Variants in NRK observed in about 807,000 individuals in gnomAD.
NRK encodes the protein Nik related kinase.
NRK carries 67 observed loss-of-function variants against 125.2 expected under a neutral mutation model. The observed-to-expected ratio is 0.54, with a 90% CI of 0.44 to 0.66. NRK has a LOEUF of 0.66. Ranked by LOEUF, NRK falls within the 30% of genes least tolerant of loss-of-function variation. The pLI is 0.00. For synonymous variants in NRK, 458 were observed against 429.0 expected (o/e 1.07, Z -0.84); for missense variants, 1,224 against 1,192.9 (o/e 1.03, Z -0.38).
At chrX:105,864,513 G>A (rs1377702765) in intron 2 of NRK, among the ~76,000 whole-genome samples, 2 of 111,627 alleles carry the variant, frequency 1.8e-5, no homozygotes, top group Non-Finnish European at 3.8e-5. Context: ...GTTTTAACTG[G>A]TAGCAAAGAT....
In NRK at chrX:105,822,859, G is replaced by C; in HGVS notation, c.14G>C (p.Gly5Ala). 1 of 1,172,293 alleles carries C rather than the reference G, an allele frequency of 8.5e-7. No individual in the cohort carries two copies. Among genetic ancestry groups the C allele is most frequent in the South Asian group, 1.9e-5 (1 of 53,023 alleles). Residue 5 changes from glycine to alanine, a missense_variant, in exon 1 of 29, where the codon GGG becomes GCG. Coordinates refer to ENST00000243300, the MANE Select transcript of NRK (RefSeq NM_198465.4). MAGP[G>A]GWRDREVTDL... ...CTCCTCGAAGCCATGGCGGGACCTGGGGGCTGGAGGGACAGGGAGGTCACG... is the reference window on the plus strand; with the variant it reads ...CTCCTCGAAGCCATGGCGGGACCTGCGGGCTGGAGGGACAGGGAGGTCACG...
chrX:105,893,337 AC>A (rs2040037955), intron 5 of NRK, among the ~76,000 whole-genome samples: 1 of 111,823 alleles, frequency 8.9e-6, no homozygotes, highest in Admixed American at 9.5e-5. Context: ...AAACAAAACA[AC>A]AAAAACCAAA....
intron 2 of NRK, among the ~76,000 whole-genome samples, chrX:105,848,976 A>G (rs779185011): frequency 4.5e-5 from 5 of 112,279 alleles, no homozygotes; most frequent in Non-Finnish European, 9.4e-5. Context: ...ATTTGAAAGC[A>G]CTGAATCAAA....
intron 16 of NRK, 134 bp downstream of exon 16, chrX:105,917,806 A>C: frequency 2.7e-6 from 1 of 371,021 alleles, no homozygotes; most frequent in Non-Finnish European, 4.6e-6. Context: ...TAGGATTAGG[A>C]CCTGAAGGCC....
At chrX:105,878,793 T>C (rs1383735515) in intron 2 of NRK, among the ~76,000 whole-genome samples, 1 of 111,612 alleles carries the variant, frequency 9.0e-6, no homozygotes, top group Non-Finnish European at 1.9e-5. Flanking sequence ...TGATTACTAG[T>C]CTCTGAACCC....
chrX:105,880,096 A>C, intron 2 of NRK, 103 bp from the exon 3 acceptor site: 1 of 312,988 alleles, frequency 3.2e-6, no homozygotes, highest in Non-Finnish European at 5.7e-6. Context: ...TTTATAACAT[A>C]CAATGTATTC....
At chrX:105,868,927 C>T (rs925061252) in intron 2 of NRK, among the ~76,000 whole-genome samples, 1 of 110,043 alleles carries the variant, frequency 9.1e-6, no homozygotes, top group Admixed American at 9.8e-5. Context: ...AAAAAACACT[C>T]TCAAAAAAGC....
At chrX:105,870,908 T>A (rs752468811) in intron 2 of NRK, among the ~76,000 whole-genome samples, 1 of 111,845 alleles carries the variant, frequency 8.9e-6, no homozygotes, top group Non-Finnish European at 1.9e-5. Context: ...CTGTAGCTTT[T>A]TAGCTACAAA....
chrX:105,949,847 T>C (rs1459721186), intron 27 of NRK, 113 bp downstream of exon 27: 9 of 503,838 alleles, frequency 1.8e-5, no homozygotes, highest in Non-Finnish European at 2.6e-5. Context: ...ACACATAAGA[T>C]TAGTTTGGGG....
At chrX:105,872,132 ATACACT>A (rs2039755971) in intron 2 of NRK, among the ~76,000 whole-genome samples, 1 of 111,456 alleles carries the variant, frequency 9.0e-6, no homozygotes, top group Admixed American at 9.5e-5. Context: ...CCCAAATTTG[ATACACT>A]TAGGTGTATC....
At chrX:105,935,659 A>C (rs1177476926) in intron 21 of NRK, among the ~76,000 whole-genome samples, 1 of 109,043 alleles carries the variant, frequency 9.2e-6, no homozygotes, top group East Asian at 2.9e-4. Context: ...GTGTGGTGGC[A>C]GGTGCCTGTA....
In NRK at chrX:105,958,097, G is replaced by A. The variant is rs1487728699; in HGVS notation, c.*2497G>A. 1 of 111,510 alleles carries A rather than the reference G, an allele frequency of 9.0e-6. No individual in the cohort carries two copies. The highest frequency in any genetic ancestry group is 1.9e-5 in the Non-Finnish European group (1 of 53,095). The allele number at this position is 111,510 out of a possible 1,213,427, so 9.2% of individuals were successfully genotyped here. A position where few individuals can be genotyped will look rare whatever the true frequency, so the allele number is the denominator to read the frequency against. The stretch of plus-strand genomic sequence containing the variant: ...TAGGGATAAAGTATGGTTTTATTTT[G>A]GTGTAATTTAGGTTTTTCAACAAAG... On this transcript the variant is annotated 3_prime_UTR_variant, in exon 29 of 29. Coordinates refer to ENST00000243300, the MANE Select transcript of NRK (RefSeq NM_198465.4).
chrX:105,946,250 G>A, intron 25 of NRK, 65 bp from the exon 26 acceptor site: 1 of 985,749 alleles, frequency 1.0e-6, no homozygotes, highest in Non-Finnish European at 1.4e-6. Flanking sequence ...AAGAGTGAGG[G>A]AATTTTTGCC....
Position 105,946,376 on chromosome X carries a change from G to A in NRK, c.4265G>A (p.Arg1422Lys). 2.5e-6 allele frequency: 3 copies of A among 1,196,149 alleles called. No homozygotes were observed. Among genetic ancestry groups the A allele is most frequent in the Non-Finnish European group, 2.3e-6 (2 of 881,777 alleles). Residue 1422 changes from arginine to lysine, a missense_variant, in exon 26 of 29, where the codon AGA becomes AAA. Arg to Lys is a conservative substitution (Grantham distance 26, BLOSUM62 2). Transcript: ENST00000243300. ...TVDLAIGSEKRLKIFFSSADG... is the reference protein window; with the variant it reads ...TVDLAIGSEKKLKIFFSSADG... ...GACCTGGCTATTGGTTCTGAAAAAAGACTAAAGATTTTCTTCAGCTCAGCA... is the reference window on the plus strand; with the variant it reads ...GACCTGGCTATTGGTTCTGAAAAAAAACTAAAGATTTTCTTCAGCTCAGCA...
rs200616257 is a variant in NRK, at chrX:105,945,966, T to C, written c.4154T>C (p.Val1385Ala). 6.9e-4 allele frequency: 836 copies of C among 1,208,670 alleles called. 1 individual carries two copies. Among genetic ancestry groups the C allele is most frequent in the Admixed American group, 9.9e-4 (45 of 45,645 alleles). ...ILAKIQAADP[V>A]NRFKRPDELL... ...GCAAAAATACAGGCAGCTGATCCAG[T>C]GAACCGGTTTAAGAGACCAGATGAG... The change falls in exon 25 of 29, where the codon GTG becomes GCG. Residue 1385 changes from valine to alanine, a missense_variant. Val to Ala is a moderately conservative substitution (Grantham distance 64). Coordinates refer to ENST00000243300, the MANE Select transcript of NRK (RefSeq NM_198465.4).
intron 4 of NRK, among the ~76,000 whole-genome samples, chrX:105,884,680 G>T (rs918304144): frequency 8.9e-6 from 1 of 112,314 alleles, no homozygotes; most frequent in African/African-American, 3.2e-5. Context: ...AAAATTGGTG[G>T]TTAATCCCTT....
intron 5 of NRK, among the ~76,000 whole-genome samples, chrX:105,890,963 T>C: frequency 8.9e-6 from 1 of 111,775 alleles, no homozygotes; most frequent in East Asian, 2.8e-4. Context: ...ATACTGGAAA[T>C]AGTCAACATA....
At position 105,900,658 on chromosome X, in the gene NRK, C is replaced by T; in HGVS notation, c.752C>T (p.Ala251Val). Residue 251 changes from alanine to valine, a missense_variant, in exon 9 of 29, where the codon GCT becomes GTT. Physicochemically the swap from Ala to Val is moderately conservative, Grantham distance 64. Coordinates refer to ENST00000243300, the MANE Select transcript of NRK (RefSeq NM_198465.4). ...WSVGITAIEMAEGAPPLCNLQ... is the reference protein window; with the variant it reads ...WSVGITAIEMVEGAPPLCNLQ... ...GTGGGAATTACTGCCATTGAAATGG[C>T]TGAAGGAGCCCCTCGTGAGTAAAAA... is the stretch of plus-strand genomic sequence containing the variant. The T allele has an allele frequency of 8.7e-7, 1 of 1,148,267 alleles. No individual in the cohort carries two copies. The highest frequency in any genetic ancestry group is 1.2e-6 in the Non-Finnish European group (1 of 840,221). 94.6% of individuals were successfully genotyped at this position (1,148,267 alleles called of 1,213,427 possible).
intron 2 of NRK, among the ~76,000 whole-genome samples, chrX:105,868,220 A>G (rs1240990440): frequency 9.0e-6 from 1 of 111,254 alleles, no homozygotes; most frequent in Non-Finnish European, 1.9e-5. Flanking sequence ...GACAGTGGGA[A>G]TCAATGAATT....
Sources: allele counts gnomAD v4.1 joint callset (sites outside exome capture counted in the v4.1 genomes callset), GRCh38; gene constraint gnomAD v4.1.1; transcripts MANE v1.5; gene names NCBI Gene and HGNC (gene_info 2026-07-23, HGNC 2026-07-21).